ASIC2: variants seen among roughly 807,000 people sequenced by gnomAD.
ASIC2 encodes the protein acid sensing ion channel subunit 2.
Under a neutral mutation model 57.3 loss-of-function variants are expected in ASIC2, and 25 were observed. That is an observed-to-expected ratio of 0.44 (90% CI 0.32 to 0.61). ASIC2 has a LOEUF of 0.61. Among genes scored for constraint, ASIC2 ranks in the 20% least tolerant of loss-of-function variants. The pLI, the probability that ASIC2 is intolerant of heterozygous loss-of-function variation, is 0.06. For missense variants in ASIC2, 641 were observed against 738.1 expected, an observed-to-expected ratio of 0.87 and a Z score of 1.52; for synonymous variants, 319 against 307.5, an observed-to-expected ratio of 1.04 and a Z score of -0.39.
chr17:33,534,628 T>C (rs1391134623), intron 1 of ASIC2: 1 of 152,222 alleles, frequency 6.6e-6, no homozygotes, highest in Non-Finnish European at 1.5e-5. Context: ...GTATGTATTG[T>C]TATCCATCAC....
intron 2 of ASIC2, among the ~76,000 whole-genome samples, chr17:33,095,011 T>A (rs1408410613): frequency 1.3e-5 from 2 of 152,250 alleles, no homozygotes; most frequent in African/African-American, 4.8e-5. Context: ...CTAATTTTTC[T>A]CATTTTTAAA....
At chr17:34,092,010 A>C (rs540748431) in intron 1 of ASIC2, among the ~76,000 whole-genome samples, 1 of 152,278 alleles carries the variant, frequency 6.6e-6, no homozygotes, top group South Asian at 2.1e-4. Context: ...GGAGCTTAGA[A>C]GCAGCTCAGC....
intron 1 of ASIC2, among the ~76,000 whole-genome samples, chr17:34,140,283 A>T (rs1375602061): frequency 6.6e-6 from 1 of 152,188 alleles, no homozygotes; most frequent in Non-Finnish European, 1.5e-5. Flanking sequence ...TGCTAGAGAA[A>T]GCGGGGACCA....
chr17:33,232,499 G>A (rs1908142759), intron 1 of ASIC2, among the ~76,000 whole-genome samples: 2 of 21,456 alleles, frequency 9.3e-5, no homozygotes, highest in Non-Finnish European at 4.5e-4. Context: ...GGTATGGTAC[G>A]GTATGGTATG....
At chr17:33,173,679 A>G (rs1038471575) in intron 1 of ASIC2, among the ~76,000 whole-genome samples, 1 of 152,200 alleles carries the variant, frequency 6.6e-6, no homozygotes, top group Admixed American at 6.5e-5. Context: ...CTGGGTTCTA[A>G]GCCATTTAAC....
intron 1 of ASIC2, among the ~76,000 whole-genome samples, chr17:33,908,835 A>T (rs1915401776): frequency 6.6e-6 from 1 of 152,206 alleles, no homozygotes; most frequent in Non-Finnish European, 1.5e-5. Flanking sequence ...AACCTAACCC[A>T]GAGCTAAACC....
intron 3 of ASIC2, among the ~76,000 whole-genome samples, chr17:33,080,966 C>T (rs11657872): frequency 0.25 from 38,744 of 152,140 alleles, 6,034 homozygotes; most frequent in East Asian, 0.45. Context: ...GTGTAACTGA[C>T]ATCAGGGACC....
At chr17:34,099,746 GAAAGAAA>G (rs1184751308) in intron 1 of ASIC2, among the ~76,000 whole-genome samples, 1 of 2,302 alleles carries the variant, frequency 4.3e-4, no homozygotes, top group African/African-American at 1.1e-3. Flanking sequence ...AAGAAAGAAA[GAAAGAAA>G]GAAAGAAAGA....
At chr17:33,738,911 G>A (rs565973971) in intron 1 of ASIC2, among the ~76,000 whole-genome samples, 1 of 152,310 alleles carries the variant, frequency 6.6e-6, no homozygotes, top group East Asian at 1.9e-4. Context: ...ACCCTAGGAA[G>A]CTTTGACCCA....
chr17:33,722,135 T>C (rs901575202), intron 1 of ASIC2, among the ~76,000 whole-genome samples: 1 of 152,194 alleles, frequency 6.6e-6, no homozygotes, highest in Non-Finnish European at 1.5e-5. Context: ...TGGGAGGTAA[T>C]TGAATCATGG....
intron 1 of ASIC2, among the ~76,000 whole-genome samples, chr17:33,125,018 A>G (rs1470002548): frequency 6.6e-6 from 1 of 152,232 alleles, no homozygotes; most frequent in East Asian, 1.9e-4. Flanking sequence ...AGGCTGAGTC[A>G]GGCAGTAATG....
At chr17:33,558,771 C>A (rs981931690) in intron 1 of ASIC2, among the ~76,000 whole-genome samples, 5 of 152,088 alleles carry the variant, frequency 3.3e-5, no homozygotes, top group Admixed American at 6.5e-5. Flanking sequence ...AATTTGTTGA[C>A]CCTGCCTGAG....
chr17:33,208,431 C>A (rs1907150876), intron 1 of ASIC2, among the ~76,000 whole-genome samples: 1 of 152,136 alleles, frequency 6.6e-6, no homozygotes, highest in African/African-American at 2.4e-5. Flanking sequence ...ATCTTCTGCT[C>A]CCTGAACACC....
chr17:33,087,575 G>GTTTTTTTTTTTTT (rs5820015), intron 3 of ASIC2, among the ~76,000 whole-genome samples: 1 of 111,044 alleles, frequency 9.0e-6, no homozygotes, highest in African/African-American at 3.6e-5. Flanking sequence ...TACAACCAGT[G>GTTTTTTTTTTTTT]TTTTTTTTTT....
intron 1 of ASIC2, among the ~76,000 whole-genome samples, chr17:33,896,889 C>T (rs1255800128): frequency 6.6e-6 from 1 of 152,196 alleles, no homozygotes; most frequent in African/African-American, 2.4e-5. Flanking sequence ...AACATGGTGG[C>T]CCTGGCCCCA....
chr17:33,401,190 C>A (rs1910273737), intron 1 of ASIC2, among the ~76,000 whole-genome samples: 1 of 152,192 alleles, frequency 6.6e-6, no homozygotes, highest in Non-Finnish European at 1.5e-5. Flanking sequence ...AAGGAAGTCA[C>A]ACAGACATGC....
chr17:33,491,205 A>C (rs1913745597), intron 1 of ASIC2, among the ~76,000 whole-genome samples: 1 of 152,208 alleles, frequency 6.6e-6, no homozygotes, highest in Non-Finnish European at 1.5e-5. Context: ...CATCCAGAAT[A>C]GATCTTTTAG....
intron 1 of ASIC2, among the ~76,000 whole-genome samples, chr17:33,217,816 G>A (rs1433633280): frequency 6.6e-6 from 1 of 152,192 alleles, no homozygotes; most frequent in Admixed American, 6.5e-5. Flanking sequence ...TACATGGTAG[G>A]TACTCCATGC....
chr17:33,149,909 C>G (rs2142027964), intron 1 of ASIC2, among the ~76,000 whole-genome samples: 1 of 152,322 alleles, frequency 6.6e-6, no homozygotes, highest in South Asian at 2.1e-4. Context: ...ACCAGACTAA[C>G]AGTCCTGATA....
Sources: allele counts gnomAD v4.1 joint callset (sites outside exome capture counted in the v4.1 genomes callset), GRCh38; gene constraint gnomAD v4.1.1; transcripts MANE v1.5; gene names NCBI Gene and HGNC (gene_info 2026-07-23, HGNC 2026-07-21).